BIRC6: variants seen among roughly 807,000 people sequenced by gnomAD.
The protein encoded by BIRC6 is baculoviral IAP repeat containing 6.
BIRC6 carries 98 observed loss-of-function variants against 503.3 expected under a neutral mutation model. The observed-to-expected ratio is 0.19, with a 90% CI of 0.17 to 0.23. BIRC6 has a LOEUF of 0.23. Ranked by LOEUF, BIRC6 falls within the 10% of genes least tolerant of loss-of-function variation. The probability of loss-of-function intolerance (pLI) is 1.00; values close to 1 mark genes in which losing one functional copy is unlikely to be tolerated. For synonymous variants in BIRC6, 2,240 were observed against 2,078.7 expected (o/e 1.08, Z -2.11); for missense variants, 5,360 against 5,806.0 (o/e 0.92, Z 2.50).
chr2:32,384,887 T>C (rs1012601114), intron 3 of BIRC6, among the ~76,000 whole-genome samples: 1 of 152,242 alleles, frequency 6.6e-6, no homozygotes, highest in Admixed American at 6.5e-5. Context: ...TTGGTCTGCA[T>C]TGACATATTT....
chr2:32,583,175 T>C (rs1274885555), intron 66 of BIRC6, among the ~76,000 whole-genome samples: 2 of 152,232 alleles, frequency 1.3e-5, no homozygotes, highest in African/African-American at 4.8e-5. Context: ...GAGTAACCTA[T>C]TGACACTGTA....
chr2:32,369,938 AAAAAAAAATAT>A (rs1320555888), intron 1 of BIRC6, among the ~76,000 whole-genome samples: 7 of 54,058 alleles, frequency 1.3e-4, no homozygotes, highest in African/African-American at 5.9e-4. Context: ...AAAAAAAAAA[AAAAAAAAATAT>A]ATATATATAT....
intron 23 of BIRC6, among the ~76,000 whole-genome samples, chr2:32,456,848 C>G (rs533854498): frequency 6.6e-6 from 1 of 152,270 alleles, no homozygotes; most frequent in South Asian, 2.1e-4. Context: ...TTTTTGTCAT[C>G]AAGTTTTATA....
chr2:32,574,800 G>C, intron 65 of BIRC6: 1 of 299,828 alleles, frequency 3.3e-6, no homozygotes, highest in Non-Finnish European at 6.4e-6. Flanking sequence ...CCAGGCTGGA[G>C]TGCAATGGCA....
At chr2:32,443,914 A>G (rs1352676362) in intron 20 of BIRC6, among the ~76,000 whole-genome samples, 1 of 152,198 alleles carries the variant, frequency 6.6e-6, no homozygotes, top group Non-Finnish European at 1.5e-5. Context: ...GAATTCCAGC[A>G]TGTGCCAGGG....
At position 32,509,946 on chromosome 2, in the gene BIRC6, A is replaced by G; in HGVS notation, c.10189A>G (p.Ile3397Val). 2 of 1,614,042 alleles carry G rather than the reference A, an allele frequency of 1.2e-6. No homozygotes were observed. Among genetic ancestry groups the G allele is most frequent in the African/African-American group, 1.3e-5 (1 of 75,070 alleles). The change falls in exon 52 of 74, where the codon ATA becomes GTA. Residue 3397 changes from isoleucine (I) to valine (V), a missense_variant. Coordinates refer to ENST00000421745, the MANE Select transcript of BIRC6 (RefSeq NM_016252.4). ...GTCTACTAGAATTGGCCTGAAGCTC[A>G]TAGACATTCTCCTGAGAAATTGTGC... ...LQSTRIGLKL[I>V]DILLRNCAAS... is the part of the protein sequence containing the mutation.
At chr2:32,379,167 C>G (rs1207390522) in intron 2 of BIRC6, 1 of 152,114 alleles carries the variant, frequency 6.6e-6, no homozygotes, top group Non-Finnish European at 1.5e-5. Flanking sequence ...GAGAAGCTGT[C>G]TTTTTCTCAT....
At chr2:32,376,672 ATT>A (rs900569165) in intron 1 of BIRC6, among the ~76,000 whole-genome samples, 1 of 152,158 alleles carries the variant, frequency 6.6e-6, no homozygotes, top group African/African-American at 2.4e-5. Flanking sequence ...TTGGAAAAAA[ATT>A]TATGTATGAG....
At chr2:32,441,907 T>G (rs188452182) in intron 17 of BIRC6, among the ~76,000 whole-genome samples, 158 bp from the exon 18 acceptor site, 1 of 152,252 alleles carries the variant, frequency 6.6e-6, no homozygotes. Context: ...TAAAAAATTT[T>G]CTACAAATGA....
intron 65 of BIRC6, among the ~76,000 whole-genome samples, chr2:32,553,324 T>C (rs2150474000): frequency 6.6e-6 from 1 of 150,564 alleles, no homozygotes; most frequent in South Asian, 2.1e-4. Flanking sequence ...TCTTTTGACC[T>C]CTTTTTGTAG....
At chr2:32,512,537 A>G (rs1170764647) in intron 53 of BIRC6, among the ~76,000 whole-genome samples, 1 of 152,186 alleles carries the variant, frequency 6.6e-6, no homozygotes, top group Non-Finnish European at 1.5e-5. Flanking sequence ...CTTAAAAAAA[A>G]TATGTAAGTG....
intron 72 of BIRC6, among the ~76,000 whole-genome samples, chr2:32,607,975 CAAAAAAAAAAAA>C (rs35242178): frequency 7.7e-4 from 40 of 51,938 alleles, no homozygotes; most frequent in East Asian, 5.7e-3. Context: ...ACTCCATCTC[CAAAAAAAAAAAA>C]AAAAAAAAAA....
Position 32,543,475 on chromosome 2 carries a change from A to G in BIRC6, c.12526A>G (p.Lys4176Glu), listed in dbSNP as rs1308009679. 1.9e-6 allele frequency: 3 copies of G among 1,614,026 alleles called. No individual in the cohort carries two copies. Among genetic ancestry groups the G allele is most frequent in the East Asian group, 2.2e-5 (1 of 44,884 alleles). The change falls in exon 62 of 74, where the codon AAA becomes GAA. Residue 4176 changes from lysine (K) to glutamate (E), a missense_variant. By Grantham distance (56) the Lys-to-Glu change is moderately conservative. Around this residue, in one of 16 missense-constraint regions of BIRC6, gnomAD observed 477 missense variants for 574.4 expected, o/e 0.83. Transcript: ENST00000421745. Reference sequence around the variant, plus strand: ...TCCGGGCTATGCGGAAGTGCTACTGAAAGAGAGAAAACATGCCCAGTGCCT... The same window carrying G: ...TCCGGGCTATGCGGAAGTGCTACTGGAAGAGAGAAAACATGCCCAGTGCCT... Reference protein sequence around the residue: ...RLPGYAEVLLKERKHAQCLLR... With the variant: ...RLPGYAEVLLEERKHAQCLLR...
intron 23 of BIRC6, among the ~76,000 whole-genome samples, chr2:32,460,911 A>G (rs936149583): frequency 1.3e-5 from 2 of 151,650 alleles, no homozygotes; most frequent in Non-Finnish European, 2.9e-5. Context: ...ATAGCTGTCG[A>G]TTTGCTGTGG....
intron 61 of BIRC6, among the ~76,000 whole-genome samples, chr2:32,531,917 C>G (rs1328168216): frequency 6.6e-6 from 1 of 152,120 alleles, no homozygotes; most frequent in African/African-American, 2.4e-5. Flanking sequence ...CAATATATGT[C>G]TTTTTGTTTA....
intron 59 of BIRC6, 82 bp downstream of exon 59, chr2:32,525,710 C>A: frequency 2.2e-6 from 3 of 1,370,484 alleles, no homozygotes; most frequent in Non-Finnish European, 9.9e-7. Flanking sequence ...TCACCAAAAT[C>A]ATTTTAATCA....
chr2:32,413,902 T>G, intron 9 of BIRC6, among the ~76,000 whole-genome samples: 1 of 152,216 alleles, frequency 6.6e-6, no homozygotes, highest in Admixed American at 6.5e-5. Flanking sequence ...ATGTAAATAC[T>G]GAGTAAAAAG....
At chr2:32,464,343 G>A (rs1006439565) in intron 24 of BIRC6, among the ~76,000 whole-genome samples, 166 bp from the exon 25 acceptor site, 2 of 152,138 alleles carry the variant, frequency 1.3e-5, no homozygotes, top group African/African-American at 4.8e-5. Flanking sequence ...AGTGTATATA[G>A]CAAAGCAATG....
chr2:32,515,748 A>T lies in BIRC6; in HGVS notation c.11327A>T (p.Asn3776Ile). 6.3e-7 allele frequency: 1 copy of T among 1,599,088 alleles called. No homozygotes were observed. Among genetic ancestry groups the T allele is most frequent in the Non-Finnish European group, 8.5e-7 (1 of 1,179,124 alleles). Residue 3776 changes from asparagine (N) to isoleucine (I), a missense_variant, in exon 55 of 74, where the codon AAT becomes ATT. Coordinates refer to ENST00000421745, the MANE Select transcript of BIRC6 (RefSeq NM_016252.4). ...CTACAGTGCATTTCATGCCATCCTA[A>T]TAATCAAAAGCTGATGGCACAGGTA... ...FFLQCISCHP[N>I]NQKLMAQVLC...
Sources: gnomAD v4.1 joint callset for allele counts (sites outside exome capture counted in the v4.1 genomes callset) on GRCh38, gnomAD v4.1.1 for gene constraint, gnomAD v4.1.1 regional missense constraint, MANE v1.5 for transcripts, NCBI Gene and HGNC (gene_info 2026-07-23, HGNC 2026-07-21) for gene names.